GSK3B: variants seen among roughly 807,000 people sequenced by gnomAD.
GSK3B encodes glycogen synthase kinase-3 beta.
GSK3B carries 15 observed loss-of-function variants against 56.4 expected under a neutral mutation model. The ratio of observed to expected loss-of-function variants is 0.27; its 90% CI spans 0.18 to 0.41. GSK3B has a LOEUF of 0.41. GSK3B is among the 10% of genes least tolerant of loss of function. GSK3B has a pLI of 1.00. For synonymous variants in GSK3B, 181 were observed against 188.9 expected, an observed-to-expected ratio of 0.96 and a Z score of 0.34; for missense variants, 300 against 513.4, an observed-to-expected ratio of 0.58 and a Z score of 4.02.
chr3:119,876,223 T>C (rs960093451), intron 8 of GSK3B, among the ~76,000 whole-genome samples, 190 bp downstream of exon 8: 2 of 152,088 alleles, frequency 1.3e-5, no homozygotes, highest in Admixed American at 1.3e-4. Flanking sequence ...CTAGAAACTA[T>C]CTACAGGAAA....
chr3:120,028,796 G>A (rs990447202), intron 1 of GSK3B: 26 of 448,314 alleles, frequency 5.8e-5, no homozygotes, highest in Non-Finnish European at 7.8e-5. Flanking sequence ...CGTGGTCTCC[G>A]CCAGTGGGCG....
intron 1 of GSK3B, chr3:120,029,890 G>T: frequency 1.8e-6 from 1 of 548,332 alleles, no homozygotes; most frequent in South Asian, 1.4e-5. Context: ...GACAGTACTG[G>T]TGTATCTGGT....
chr3:119,834,413 C>G (rs1231771321), intron 10 of GSK3B, among the ~76,000 whole-genome samples: 1 of 152,118 alleles, frequency 6.6e-6, no homozygotes, highest in Non-Finnish European at 1.5e-5. Flanking sequence ...CTAAGGTAGC[C>G]TTCAGTGATT....
intron 1 of GSK3B, among the ~76,000 whole-genome samples, chr3:120,014,355 A>G (rs1157159473): frequency 6.6e-6 from 1 of 152,072 alleles, no homozygotes; most frequent in African/African-American, 2.4e-5. Context: ...AGAAAACAAC[A>G]TAAAAATTAA....
chr3:120,083,019 G>A, intron 1 of GSK3B, among the ~76,000 whole-genome samples: 1 of 151,598 alleles, frequency 6.6e-6, no homozygotes, highest in African/African-American at 2.4e-5. Flanking sequence ...ATGTTTGCAT[G>A]GTAATCACTT....
chr3:119,928,711 G>C (rs1043295685), intron 3 of GSK3B, among the ~76,000 whole-genome samples: 2 of 150,022 alleles, frequency 1.3e-5, no homozygotes, highest in Non-Finnish European at 3.0e-5. Context: ...AAACTATATA[G>C]CATAGTAATT....
At chr3:119,864,621 G>A (rs1387944164) in intron 8 of GSK3B, among the ~76,000 whole-genome samples, 1 of 152,242 alleles carries the variant, frequency 6.6e-6, no homozygotes, top group Non-Finnish European at 1.5e-5. Flanking sequence ...ACCCACAAGT[G>A]AGAAAAGCCC....
chr3:119,898,140 G>A (rs1383524833), intron 7 of GSK3B, among the ~76,000 whole-genome samples: 1 of 152,076 alleles, frequency 6.6e-6, no homozygotes, highest in Non-Finnish European at 1.5e-5. Flanking sequence ...CTACAGTTGG[G>A]CAAAATAATC....
chr3:120,015,863 G>C (rs2057822080), intron 1 of GSK3B, among the ~76,000 whole-genome samples: 4 of 151,932 alleles, frequency 2.6e-5, no homozygotes, highest in Admixed American at 2.6e-4. Context: ...CTTGCCATTG[G>C]TCAGATATAA....
At chr3:119,856,643 G>A (rs1338037847) in intron 9 of GSK3B, among the ~76,000 whole-genome samples, 1 of 152,060 alleles carries the variant, frequency 6.6e-6, no homozygotes, top group Non-Finnish European at 1.5e-5. Context: ...TCCCTGTGGT[G>A]TGTCTCCACT....
intron 2 of GSK3B, among the ~76,000 whole-genome samples, chr3:119,993,341 AT>A (rs1223487108): frequency 6.6e-6 from 1 of 152,044 alleles, no homozygotes. Context: ...AACATAAATA[AT>A]TTTTTTAATC....
chr3:119,937,629 G>A (rs1020841682), intron 3 of GSK3B, among the ~76,000 whole-genome samples: 4 of 151,970 alleles, frequency 2.6e-5, no homozygotes, highest in Non-Finnish European at 5.9e-5. Context: ...AGCAAAGACA[G>A]TGCTCAGAAG....
intron 8 of GSK3B, among the ~76,000 whole-genome samples, chr3:119,865,200 G>C (rs1335249475): frequency 1.3e-5 from 2 of 151,716 alleles, no homozygotes; most frequent in African/African-American, 4.8e-5. Flanking sequence ...AGGCAAGTTT[G>C]CTTCTGTTTG....
chr3:119,962,010 A>T (rs1445825433), intron 2 of GSK3B, among the ~76,000 whole-genome samples: 5 of 152,346 alleles, frequency 3.3e-5, no homozygotes, highest in Middle Eastern at 3.4e-3. Flanking sequence ...TTTTGACTTA[A>T]TGACATTTTT....
chr3:119,905,227 T>C (rs1421348443), intron 7 of GSK3B, among the ~76,000 whole-genome samples: 1 of 151,808 alleles, frequency 6.6e-6, no homozygotes, highest in Non-Finnish European at 1.5e-5. Flanking sequence ...ATTAAATTCA[T>C]ATAGACCCAA....
chr3:120,054,811 T>A (rs1414057089), intron 1 of GSK3B, among the ~76,000 whole-genome samples: 7 of 152,216 alleles, frequency 4.6e-5, no homozygotes, highest in Admixed American at 4.6e-4. Flanking sequence ...TGAACTCATC[T>A]TGGAAAACAA....
intron 2 of GSK3B, among the ~76,000 whole-genome samples, chr3:119,984,672 T>C (rs1001010095): frequency 1.3e-5 from 2 of 151,998 alleles, no homozygotes; most frequent in African/African-American, 2.4e-5. Flanking sequence ...CAGGAAGAAG[T>C]TGAATCTCTG....
intron 1 of GSK3B, among the ~76,000 whole-genome samples, chr3:120,039,571 T>C (rs2058049304): frequency 6.6e-6 from 1 of 152,142 alleles, no homozygotes; most frequent in Admixed American, 6.5e-5. Context: ...TCTGCACCCA[T>C]TCCACCCATT....
chr3:120,030,357 T>A (rs1431430678), intron 1 of GSK3B, among the ~76,000 whole-genome samples: 1 of 152,220 alleles, frequency 6.6e-6, no homozygotes, highest in African/African-American at 2.4e-5. Context: ...TCAAATGTAT[T>A]TCTGTAGACC....
Sources: allele counts gnomAD v4.1 joint callset (sites outside exome capture counted in the v4.1 genomes callset), GRCh38; gene constraint gnomAD v4.1.1; transcripts MANE v1.5; gene names NCBI Gene and HGNC (gene_info 2026-07-23, HGNC 2026-07-21).